Variants in CACNA1H observed in about 807,000 individuals in gnomAD.
CACNA1H encodes voltage-dependent T-type calcium channel subunit alpha-1H.
Under a neutral mutation model 192.5 loss-of-function variants are expected in CACNA1H, and 149 were observed. The observed-to-expected ratio is 0.77, with a 90% CI of 0.68 to 0.89. The LOEUF (loss-of-function observed/expected upper bound fraction) is 0.89, where lower values mean the gene tolerates loss of function less well. Among genes scored for constraint, CACNA1H ranks in the 40% least tolerant of loss-of-function variants. The probability of loss-of-function intolerance (pLI) is 0.00; values close to 1 mark genes in which losing one functional copy is unlikely to be tolerated. For missense variants in CACNA1H, 4,257 were observed against 3,423.5 expected (o/e 1.24, Z -6.08); for synonymous variants, 2,202 against 1,475.2 (o/e 1.49, Z -11.29).
At position 1,219,166 on chromosome 16, in the gene CACNA1H, G is replaced by A. The variant is rs186012249; in HGVS notation, c.6048+36G>A. The A allele has an allele frequency of 2.2e-4, 326 of 1,484,936 alleles. No individual in the cohort carries two copies. The African/African-American group carries it at 4.0e-3, about 18-fold the overall frequency. 92.0% of individuals were successfully genotyped at this position (1,484,936 alleles called of 1,614,324 possible). A position where few individuals can be genotyped will look rare whatever the true frequency, so the allele number is the denominator to read the frequency against. On this transcript the variant is annotated intron_variant, in intron 34 of 34. Transcript: ENST00000348261. ...CCGTTGGCCTGCAGCAGAGGCTGGC[G>A]GGGATGGGGGGCTTGCAGGGATGCC...
In CACNA1H at chr16:1,200,209, C is replaced by T. The variant is rs757716675; in HGVS notation, c.804-47C>T. On this transcript the variant is annotated intron_variant, in intron 6 of 34. Transcript: ENST00000348261. ...CAATCGTGCCCCCGACTCTGACCGT[C>T]CCTGACCCTGATTGTACCTTTTGGC... The T allele has an allele frequency of 1.5e-5, 22 of 1,498,186 alleles. 2 individuals are homozygous for T. The highest frequency in any genetic ancestry group is 4.9e-5 in the South Asian group (4 of 81,914). 92.8% of individuals were successfully genotyped at this position (1,498,186 alleles called of 1,614,324 possible). A position where few individuals can be genotyped will look rare whatever the true frequency, so the allele number is the denominator to read the frequency against.
intron 14 of CACNA1H, 48 bp downstream of exon 14, chr16:1,207,478 G>C (rs755162316): frequency 1.3e-6 from 2 of 1,589,966 alleles, no homozygotes; most frequent in Non-Finnish European, 8.6e-7. Context: ...GATGAGAAGA[G>C]AGACGGGCTT....
chr16:1,207,956 T>C, intron 15 of CACNA1H, 57 bp from the exon 16 acceptor site: 2 of 1,550,314 alleles, frequency 1.3e-6, no homozygotes, highest in African/African-American at 2.7e-5. Flanking sequence ...GGTTGGGGGA[T>C]TCCTGGTCCT....
chr16:1,158,120 T>C (rs1239758996), intron 2 of CACNA1H: 4 of 152,318 alleles, frequency 2.6e-5, no homozygotes, highest in Admixed American at 1.3e-4. Context: ...GGGTTCCCAC[T>C]GAGCCCTACG....
In CACNA1H at chr16:1,210,455, A is replaced by C; in HGVS notation, c.3931A>C (p.Ile1311Leu). The C allele has an allele frequency of 6.2e-7, 1 of 1,610,854 alleles. No individual in the cohort carries two copies. Among genetic ancestry groups the C allele is most frequent in the Non-Finnish European group, 8.5e-7 (1 of 1,179,542 alleles). ...CTTCATCTTCCTCAACTGCGTCACCATCGCCCTGGAGAGGCCTGACATTGA... is the reference window on the plus strand; with the variant it reads ...CTTCATCTTCCTCAACTGCGTCACCCTCGCCCTGGAGAGGCCTGACATTGA... ...LVFIFLNCVT[I>L]ALERPDIDPG... Residue 1311 changes from isoleucine to leucine, a missense_variant, in exon 19 of 35, where the codon ATC (isoleucine) becomes CTC (leucine). Coordinates refer to ENST00000348261, the MANE Select transcript of CACNA1H (RefSeq NM_021098.3).
At chr16:1,210,537 G>A (rs1435870042) in intron 19 of CACNA1H, 44 bp downstream of exon 19, 4 of 1,610,562 alleles carry the variant, frequency 2.5e-6, no homozygotes, top group Non-Finnish European at 2.5e-6. Flanking sequence ...ACGACCCCCA[G>A]GGAGGGGTGG....
intron 2 of CACNA1H, among the ~76,000 whole-genome samples, chr16:1,187,629 A>C (rs535505351): frequency 6.6e-6 from 1 of 152,280 alleles, no homozygotes; most frequent in African/African-American, 2.4e-5. Flanking sequence ...CCACCCCGGC[A>C]CTGATGTCAG....
At position 1,210,954 on chromosome 16, in the gene CACNA1H, G is replaced by C; in HGVS notation, c.4206G>C (p.Arg1402=). ...LGVLRVLRLL[R]TLRPLRVISR... ...TTCTGCGCGTGCTGCGTCTGCTGCG[G>C]ACCCTGCGGCCTCTGAGGTGGGGGG... Residue 1402 remains arginine (R), a synonymous_variant, in exon 21 of 35, where the codon CGG becomes CGC. Transcript: ENST00000348261. 1 of 1,597,826 alleles carries C rather than the reference G, an allele frequency of 6.3e-7. No homozygotes were observed. Among genetic ancestry groups the C allele is most frequent in the Non-Finnish European group, 8.5e-7 (1 of 1,177,984 alleles).
intron 8 of CACNA1H, 96 bp downstream of exon 8, chr16:1,200,904 G>A: frequency 3.4e-6 from 3 of 883,326 alleles, no homozygotes; most frequent in Admixed American, 2.0e-5. Context: ...GCTCCTGTCT[G>A]TCTTCCAGCT....
At chr16:1,206,916 T>A in intron 12 of CACNA1H, 85 bp from the exon 13 acceptor site, 2 of 52,302 alleles carry the variant, frequency 3.8e-5, no homozygotes, top group Non-Finnish European at 7.2e-5. Context: ...CCCTCCCTCC[T>A]CCCACCCCCC....
At chr16:1,187,078 C>T (rs1048920534) in intron 2 of CACNA1H, among the ~76,000 whole-genome samples, 3 of 152,266 alleles carry the variant, frequency 2.0e-5, no homozygotes, top group African/African-American at 4.8e-5. Context: ...AGCCCGCGAC[C>T]GTCCCCTCCG....
At position 1,209,353 on chromosome 16, in the gene CACNA1H, T is replaced by C; in HGVS notation, c.3685T>C (p.Phe1229Leu). The C allele has an allele frequency of 1.9e-6, 3 of 1,598,024 alleles. No individual in the cohort carries two copies. The highest frequency in any genetic ancestry group is 2.5e-6 in the Non-Finnish European group (3 of 1,179,552). ...GGTGGTGGCCCTGCCCAGCGACTTC[T>C]TCCTGCGCATCGACAGCCACCGTGA... is the stretch of plus-strand genomic sequence containing the variant. Reference protein sequence around the residue: ...GQVVALPSDFFLRIDSHREDA... With the variant: ...GQVVALPSDFLLRIDSHREDA... Residue 1229 changes from phenylalanine (F) to leucine (L), a missense_variant, in exon 17 of 35, where the codon TTC (phenylalanine) becomes CTC (leucine). Transcript: ENST00000348261.
chr16:1,175,140 C>G (rs1228086475), intron 2 of CACNA1H, among the ~76,000 whole-genome samples: 1 of 151,896 alleles, frequency 6.6e-6, no homozygotes, highest in Non-Finnish European at 1.5e-5. Flanking sequence ...CACTGCCCCA[C>G]GTAATGCCCT....
chr16:1,161,202 C>T (rs899317847), intron 2 of CACNA1H, among the ~76,000 whole-genome samples: 3 of 152,184 alleles, frequency 2.0e-5, no homozygotes, highest in Non-Finnish European at 4.4e-5. Flanking sequence ...GTGCTTCTGC[C>T]GTTGGCGACT....
intron 5 of CACNA1H, among the ~76,000 whole-genome samples, chr16:1,198,229 G>A (rs949468988): frequency 2.0e-5 from 3 of 152,246 alleles, no homozygotes; most frequent in African/African-American, 4.8e-5. Flanking sequence ...TCCCGAGCCC[G>A]AGATGCCACG....
In CACNA1H at chr16:1,211,933, C is replaced by G. The variant is rs774838077; in HGVS notation, c.4567-13C>G. On this transcript the variant is annotated splice_polypyrimidine_tract_variant and intron_variant, in intron 24 of 34. Coordinates refer to ENST00000348261, the MANE Select transcript of CACNA1H (RefSeq NM_021098.3). ...GGGCAGGCGGGCGGGGACCCACCGC[C>G]TCTGTGCCACAGCCTGTGCAGAACC... 5.0e-6 allele frequency: 8 copies of G among 1,612,872 alleles called. No homozygotes were observed. Among genetic ancestry groups the G allele is most frequent in the Non-Finnish European group, 5.1e-6 (6 of 1,179,612 alleles).
chr16:1,212,626 G>A (rs1309529796), intron 26 of CACNA1H, 98 bp downstream of exon 26: 1 of 1,434,830 alleles, frequency 7.0e-7, no homozygotes, highest in Non-Finnish European at 9.5e-7. Context: ...CCGCAGGGTG[G>A]GCACAGGCAG....
chr16:1,179,606 G>A (rs1236719212), intron 2 of CACNA1H, among the ~76,000 whole-genome samples: 1 of 149,786 alleles, frequency 6.7e-6, no homozygotes, highest in African/African-American at 2.5e-5. Flanking sequence ...TTTTTGTATT[G>A]TTAGTAGAGA....
At position 1,193,519 on chromosome 16, in the gene CACNA1H, G is replaced by T. The variant is rs570857684; in HGVS notation, c.300-1453G>T. 2.6e-5 allele frequency among the ~76,000 whole-genome samples: 4 copies of T among 152,382 alleles called. No individual in the cohort carries two copies. The East Asian group carries it at 5.8e-4, about 22-fold the overall frequency. ...CACTCTGGCCGCTGGGGTCGCAGTG[G>T]GTGCGTCATCGGTAGGCGGCAGTGC... On this transcript the variant is annotated intron_variant, in intron 2 of 34. Coordinates refer to ENST00000348261, the MANE Select transcript of CACNA1H (RefSeq NM_021098.3).
Sources: gnomAD v4.1 joint callset for allele counts (sites outside exome capture counted in the v4.1 genomes callset) on GRCh38, gnomAD v4.1.1 for gene constraint, MANE v1.5 for transcripts, NCBI Gene and HGNC (gene_info 2026-07-23, HGNC 2026-07-21) for gene names.